NRROS: variants seen among roughly 807,000 people sequenced by gnomAD.
NRROS encodes the protein negative regulator of reactive oxygen species.
Under a neutral mutation model 12.0 loss-of-function variants are expected in NRROS, and 6 were observed. That is an observed-to-expected ratio of 0.50 (90% CI 0.27 to 0.98). The LOEUF is 0.98. Among genes scored for constraint, NRROS ranks in the 50% least tolerant of loss-of-function variants. The pLI, the probability that NRROS is intolerant of heterozygous loss-of-function variation, is 0.11. For synonymous variants in NRROS, 462 were observed against 410.2 expected (o/e 1.13, Z -1.53); for missense variants, 857 against 888.2 (o/e 0.96, Z 0.45).
chr3:196,655,542 A>C (rs982912793), intron 2 of NRROS, among the ~76,000 whole-genome samples: 1 of 152,122 alleles, frequency 6.6e-6, no homozygotes, highest in Admixed American at 6.6e-5. Context: ...CAAAAAAAGA[A>C]AAAAACAAAA....
At chr3:196,646,885 G>GCCTCTCTTTTCA (rs1737324685) in intron 1 of NRROS, among the ~76,000 whole-genome samples, 1 of 152,204 alleles carries the variant, frequency 6.6e-6, no homozygotes, top group Non-Finnish European at 1.5e-5. Flanking sequence ...GCCGCCGCGT[G>GCCTCTCTTTTCA]CCTCTCTTTT....
At chr3:196,649,874 A>G (rs1458952897) in intron 1 of NRROS, among the ~76,000 whole-genome samples, 1 of 152,110 alleles carries the variant, frequency 6.6e-6, no homozygotes, top group Non-Finnish European at 1.5e-5. Context: ...TTGAGGAGAA[A>G]ATTCTTAACT....
intron 1 of NRROS, among the ~76,000 whole-genome samples, chr3:196,651,172 C>A (rs1252340282): frequency 6.6e-6 from 1 of 152,184 alleles, no homozygotes; most frequent in Non-Finnish European, 1.5e-5. Context: ...CTCTCTGCAG[C>A]TACACACTCT....
In NRROS at chr3:196,661,009, G is replaced by A; in HGVS notation, c.1366G>A (p.Val456Met). The A allele has an allele frequency of 6.2e-7, 1 of 1,614,184 alleles. No homozygotes were observed. ...ASDRVGPPSC[V>M]DFRNMASLRS... is the part of the protein sequence containing the mutation. ...GGACCGGGTGGGCCCCCCTAGCTGT[G>A]TGGATTTCAGGAATATGGCATCTTT... Residue 456 changes from valine (V) to methionine (M), a missense_variant, in exon 3 of 3, where the codon GTG (valine) becomes ATG (methionine). Transcript: ENST00000328557.
rs1286894485 is a variant in NRROS at position 196,660,643 on chromosome 3, G to A, written c.1000G>A (p.Asp334Asn). ...CGACCTCGCAGATCTCCGCTTCCTGGACATGAGCCAGAACCAGTTCCAGTA... is the reference window on the plus strand; with the variant it reads ...CGACCTCGCAGATCTCCGCTTCCTGAACATGAGCCAGAACCAGTTCCAGTA... ...SSDLADLRFL[D>N]MSQNQFQYLP... The change falls in exon 3 of 3, where the codon GAC becomes AAC. Residue 334 changes from aspartate (D) to asparagine (N), a missense_variant. Asp to Asn is a conservative substitution (Grantham distance 23). Transcript: ENST00000328557. The surrounding 1 kb of genome is among the most constrained non-coding windows in gnomAD (Gnocchi z 7.7). The A allele has an allele frequency of 6.2e-7, 1 of 1,614,168 alleles. No homozygotes were observed. Among genetic ancestry groups the A allele is most frequent in the Admixed American group, 1.7e-5 (1 of 60,018 alleles).
intron 1 of NRROS, among the ~76,000 whole-genome samples, chr3:196,644,769 CAAAAAAAAA>C (rs57304721): frequency 1.8e-5 from 2 of 109,208 alleles, no homozygotes; most frequent in African/African-American, 7.8e-5. Flanking sequence ...GAGACTCTGT[CAAAAAAAAA>C]AAAAAAAAAA....
intron 1 of NRROS, among the ~76,000 whole-genome samples, chr3:196,646,945 A>G (rs150969076): frequency 6.6e-6 from 1 of 152,170 alleles, no homozygotes; most frequent in Non-Finnish European, 1.5e-5. Flanking sequence ...ATTATACTAC[A>G]CATTCTGCTT....
rs1737621792 is a variant in NRROS, at chr3:196,659,804, G to A, written c.161G>A (p.Ser54Asn). 1.2e-6 allele frequency: 2 copies of A among 1,613,630 alleles called. No homozygotes were observed. Among genetic ancestry groups the A allele is most frequent in the Non-Finnish European group, 1.7e-6 (2 of 1,179,860 alleles). The change falls in exon 3 of 3, where the codon AGC becomes AAC. Residue 54 changes from serine (S) to asparagine (N), a missense_variant. Transcript: ENST00000328557. ...RGQSLASVPS[S>N]LPPHARMLTL... is the part of the protein sequence containing the mutation. ...CAGAGCCTCGCTTCGGTGCCCAGCA[G>A]CCTCCCGCCCCACGCCCGGATGCTC...
intron 1 of NRROS, among the ~76,000 whole-genome samples, chr3:196,653,470 TGGGA>T (rs1737472503): frequency 6.6e-6 from 1 of 152,148 alleles, no homozygotes; most frequent in Non-Finnish European, 1.5e-5. Context: ...CAGGAGAAGA[TGGGA>T]GGGCAGACAC....
In NRROS at chr3:196,660,162, C is replaced by T. The variant is rs1460234836; in HGVS notation, c.519C>T (p.Asp173=). The change falls in exon 3 of 3, where the codon GAC becomes GAT. Residue 173 remains aspartate, a synonymous_variant. Transcript: ENST00000328557. This position sits in a 1 kb window ranked among gnomAD's most constrained non-coding sequence, Gnocchi z 7.7. ...CGGGGAACACCATCATGCGGCTGGA[C>T]GACTCCGTCTTCGAGGGCCTGGAGC... is the stretch of plus-strand genomic sequence containing the variant. ...SLAGNTIMRL[D]DSVFEGLERL... 13 of 1,612,870 alleles carry T rather than the reference C, an allele frequency of 8.1e-6. No homozygotes were observed. Among genetic ancestry groups the T allele is most frequent in the Admixed American group, 3.3e-5 (2 of 60,012 alleles).
At chr3:196,647,766 T>C (rs113124705) in intron 1 of NRROS, among the ~76,000 whole-genome samples, 3 of 152,028 alleles carry the variant, frequency 2.0e-5, no homozygotes, top group African/African-American at 4.8e-5. Flanking sequence ...ACCATGTTGG[T>C]CAGGCTGGTC....
chr3:196,651,081 T>C lies in NRROS; in HGVS notation c.-13-3446T>C, dbSNP rs1737415616. On this transcript the variant is annotated intron_variant, in intron 1 of 2. Transcript: ENST00000328557. ...GAAGCAGTCCTGTGCATGCAGGGGA[T>C]GAGTCACGGGATTTTGCAGAGAGAT... Among the ~76,000 whole-genome samples the C allele has an allele frequency of 1.3e-5, 2 of 152,174 alleles. 1 individual carries two copies. Among genetic ancestry groups the C allele is most frequent in the African/African-American group, 4.8e-5 (2 of 41,452 alleles).
Position 196,661,731 on chromosome 3 carries a change from T to G in NRROS, c.*9T>G, listed in dbSNP as rs199893540. 1,182 of 1,576,502 alleles carry G rather than the reference T, an allele frequency of 7.5e-4. No individual in the cohort carries two copies. The highest frequency in any genetic ancestry group is 9.7e-4 in the Non-Finnish European group (1,128 of 1,163,796). On this transcript the variant is annotated 3_prime_UTR_variant, in exon 3 of 3. Transcript: ENST00000328557. Reference sequence around the variant, plus strand: ...GGTCCTCCGTTTACTGACCTGGCTGTGTGCCAAGACTCGAAATTCGGTCCG... The same window carrying G: ...GGTCCTCCGTTTACTGACCTGGCTGGGTGCCAAGACTCGAAATTCGGTCCG...
chr3:196,661,653 C>T lies in NRROS; in HGVS notation c.2010C>T (p.Ile670=), dbSNP rs762191464. The T allele has an allele frequency of 2.8e-5, 45 of 1,608,776 alleles. No homozygotes were observed. Among genetic ancestry groups the T allele is most frequent in the Non-Finnish European group, 3.6e-5 (42 of 1,179,894 alleles). The change falls in exon 3 of 3, where the codon ATC becomes ATT. Residue 670 remains isoleucine (I), a synonymous_variant. Coordinates refer to ENST00000328557, the MANE Select transcript of NRROS (RefSeq NM_198565.3). ...CCCTGCTGGTGGCCTGCACTGTCAT[C>T]GTCCTCACTTTTAAGAAGCCTCTGC... is the stretch of plus-strand genomic sequence containing the variant. ...CLTLLVACTV[I]VLTFKKPLLQ...
chr3:196,660,647 T>C lies in NRROS; in HGVS notation c.1004T>C (p.Met335Thr), dbSNP rs1331944853. 6.2e-7 allele frequency: 1 copy of C among 1,614,182 alleles called. No homozygotes were observed. Among genetic ancestry groups the C allele is most frequent in the Admixed American group, 1.7e-5 (1 of 60,026 alleles). The change falls in exon 3 of 3, where the codon ATG becomes ACG. Residue 335 changes from methionine (M) to threonine (T), a missense_variant. Transcript: ENST00000328557. This position sits in a 1 kb window ranked among gnomAD's most constrained non-coding sequence, Gnocchi z 7.7. ...SDLADLRFLD[M>T]SQNQFQYLPD... Reference sequence around the variant, plus strand: ...CTCGCAGATCTCCGCTTCCTGGACATGAGCCAGAACCAGTTCCAGTACCTG... The same window carrying C: ...CTCGCAGATCTCCGCTTCCTGGACACGAGCCAGAACCAGTTCCAGTACCTG...
At chr3:196,651,914 C>T (rs946729141) in intron 1 of NRROS, among the ~76,000 whole-genome samples, 5 of 152,326 alleles carry the variant, frequency 3.3e-5, no homozygotes. Context: ...CCTCTACTGT[C>T]TGACCTCCCA....
chr3:196,642,790 G>A (rs552277503), intron 1 of NRROS, among the ~76,000 whole-genome samples: 1 of 152,222 alleles, frequency 6.6e-6, no homozygotes, highest in African/African-American at 2.4e-5. Flanking sequence ...GGTCACTTTC[G>A]GCCGGGCGCG....
chr3:196,648,413 A>T (rs551741419), intron 1 of NRROS, among the ~76,000 whole-genome samples: 17 of 152,220 alleles, frequency 1.1e-4, no homozygotes, highest in African/African-American at 4.1e-4. Context: ...AAAACTCATC[A>T]CTTAGTGCCT....
Position 196,660,420 on chromosome 3 carries a change from C to T in NRROS, c.777C>T (p.His259=), listed in dbSNP as rs1478548256. The T allele has an allele frequency of 1.9e-6, 3 of 1,613,818 alleles. No homozygotes were observed. Among genetic ancestry groups the T allele is most frequent in the African/African-American group, 1.3e-5 (1 of 74,906 alleles). The change falls in exon 3 of 3, where the codon CAC becomes CAT. Residue 259 remains histidine, a synonymous_variant. Transcript: ENST00000328557. This position sits in a 1 kb window ranked among gnomAD's most constrained non-coding sequence, Gnocchi z 7.7. ...AFELETLDLS[H]NQLLFFPLLP... ...AGCTGGAGACGCTGGACCTGTCTCA[C>T]AACCAGCTGCTGTTCTTCCCGCTGC...
Sources: gnomAD v4.1 joint callset for allele counts (sites outside exome capture counted in the v4.1 genomes callset) on GRCh38, gnomAD v4.1.1 for gene constraint, Gnocchi (gnomAD v3.1) non-coding constraint, MANE v1.5 for transcripts, NCBI Gene and HGNC (gene_info 2026-07-23, HGNC 2026-07-21) for gene names.